The following TDRKH variants were observed in gnomAD, a reference collection of about 807,000 sequenced individuals.
TDRKH encodes tudor and KH domain-containing protein.
In TDRKH, 28 loss-of-function variants were observed where a neutral mutation model predicts 61.3. The ratio of observed to expected loss-of-function variants is 0.46; its 90% CI spans 0.34 to 0.63. TDRKH has a LOEUF of 0.63. Ranked by LOEUF, TDRKH falls within the 20% of genes least tolerant of loss-of-function variation. TDRKH has a pLI of 0.01. For missense variants in TDRKH, 540 were observed against 683.4 expected (o/e 0.79, Z 2.34); for synonymous variants, 219 against 244.4 (o/e 0.90, Z 0.97).
At chr1:151,774,944 CA>C (rs1649007972) in intron 11 of TDRKH, 120 bp downstream of exon 11, 2 of 1,350,018 alleles carry the variant, frequency 1.5e-6, no homozygotes, top group African/African-American at 2.9e-5. Context: ...CTCCTTTGGT[CA>C]ACTACTGGAG....
downstream of TDRKH, among the ~76,000 whole-genome samples, chr1:151,772,424 T>G (rs182503484): frequency 6.6e-6 from 1 of 152,250 alleles, no homozygotes; most frequent in East Asian, 1.9e-4. Flanking sequence ...AAATAAATTT[T>G]GAGAATTGTG....
chr1:151,780,049 A>T lies in TDRKH; in HGVS notation c.323T>A (p.Val108Glu). 1 of 1,614,188 alleles carries T rather than the reference A, an allele frequency of 6.2e-7. No homozygotes were observed. Among genetic ancestry groups the T allele is most frequent in the East Asian group, 2.2e-5 (1 of 44,880 alleles). The stretch of plus-strand genomic sequence containing the variant: ...ATGGATTGCTGCTTTGGCCTTGCAC[A>T]CCTGAACAGGAAAACCACTGATAAG... ...VLLISGFPVQ[V>E]CKAKAAIHQI... Residue 108 changes from valine to glutamate, a missense_variant, in exon 4 of 13, where the codon GTG (valine) becomes GAG (glutamate). Physicochemically the swap from Val to Glu is moderately radical, Grantham distance 121. Coordinates refer to ENST00000368824, the MANE Select transcript of TDRKH (RefSeq NM_001083965.2).
chr1:151,779,386 C>G, intron 4 of TDRKH, 144 bp from the exon 5 acceptor site: 2 of 1,134,944 alleles, frequency 1.8e-6, no homozygotes, highest in Non-Finnish European at 2.4e-6. Context: ...GAATGGAAAT[C>G]AGGAGCTACT....
At chr1:151,783,547 T>C (rs1312185025) in intron 1 of TDRKH, 1 of 152,306 alleles carries the variant, frequency 6.6e-6, no homozygotes. Flanking sequence ...TGAAATGGGG[T>C]TCTTCCCTGC....
At chr1:151,786,470 A>T (rs1553284654) in intron 1 of TDRKH, among the ~76,000 whole-genome samples, 1 of 152,174 alleles carries the variant, frequency 6.6e-6, no homozygotes, top group Non-Finnish European at 1.5e-5. Context: ...CACAATTTAA[A>T]ACTTAAGAAT....
intron 9 of TDRKH, 29 bp from the exon 10 acceptor site, chr1:151,775,572 GA>G: frequency 6.2e-7 from 1 of 1,605,708 alleles, no homozygotes; most frequent in South Asian, 1.1e-5. Flanking sequence ...GGTTACTGCT[GA>G]TAGGGGTGGG....
Position 151,776,485 on chromosome 1 carries a change from A to G in TDRKH, c.998T>C (p.Leu333Ser). 6.2e-7 allele frequency: 1 copy of G among 1,614,188 alleles called. No individual in the cohort carries two copies. The highest frequency in any genetic ancestry group is 8.5e-7 in the Non-Finnish European group (1 of 1,180,026). Residue 333 changes from leucine to serine, a missense_variant, in exon 7 of 13, where the codon TTG becomes TCG. By Grantham distance (145) the Leu-to-Ser change is moderately radical (BLOSUM62 -2). Around this residue, in one of 3 missense-constraint regions of TDRKH, gnomAD observed 379 missense variants for 443.8 expected, o/e 0.85. Coordinates refer to ENST00000368824, the MANE Select transcript of TDRKH (RefSeq NM_001083965.2). Reference protein sequence around the residue: ...IQIVGSRSLQLDKLVNEMTQH... With the variant: ...IQIVGSRSLQSDKLVNEMTQH... ...GGTCATCTCATTGACAAGCTTATCCAATTGCAGGCTGCGGGAGCCAACGAT... is the reference window on the plus strand; with the variant it reads ...GGTCATCTCATTGACAAGCTTATCCGATTGCAGGCTGCGGGAGCCAACGAT...
intron 12 of TDRKH, 24 bp from the exon 13 acceptor site, chr1:151,774,528 G>A: frequency 6.2e-7 from 1 of 1,613,902 alleles, no homozygotes; most frequent in South Asian, 1.1e-5. Flanking sequence ...ATAAGAAGGA[G>A]AAAGTTAGAC....
chr1:151,776,123 C>A lies in TDRKH; in HGVS notation c.1190G>T (p.Cys397Phe), dbSNP rs775343384. The A allele has an allele frequency of 1.2e-6, 2 of 1,613,772 alleles. No individual in the cohort carries two copies. Among genetic ancestry groups the A allele is most frequent in the African/African-American group, 2.7e-5 (2 of 74,914 alleles). ...YFVDFGDNGDCPLKDLRALRS... is the reference protein window; with the variant it reads ...YFVDFGDNGDFPLKDLRALRS... ...GAGAGCCCTGAGGTCCTTCAGTGGG[C>A]AATCTCCATTATCTCCAAAGTCAAC... Residue 397 changes from cysteine (C) to phenylalanine (F), a missense_variant, in exon 8 of 13, where the codon TGC becomes TTC. This residue lies in a region of TDRKH where 379 missense variants were observed against 443.8 expected (regional missense o/e 0.85). Transcript: ENST00000368824.
At chr1:151,782,844 C>A in intron 2 of TDRKH, 55 bp downstream of exon 2, 1 of 1,482,880 alleles carries the variant, frequency 6.7e-7, no homozygotes, top group Non-Finnish European at 9.0e-7. Flanking sequence ...TTCAATTTAA[C>A]AAGGCAGGAG....
chr1:151,772,509 T>C (rs1648776236), downstream of TDRKH, among the ~76,000 whole-genome samples: 1 of 152,132 alleles, frequency 6.6e-6, no homozygotes, highest in African/African-American at 2.4e-5. Context: ...AAAAGACCTG[T>C]GTAAGGCATC....
intron 9 of TDRKH, 93 bp downstream of exon 9, chr1:151,775,727 C>A (rs952320252): frequency 1.2e-5 from 19 of 1,529,914 alleles, no homozygotes; most frequent in African/African-American, 2.8e-5. Flanking sequence ...CCCCAGAATT[C>A]AAAAAGCCTG....
intron 1 of TDRKH, among the ~76,000 whole-genome samples, 170 bp downstream of exon 1, chr1:151,790,210 C>G (rs1199485655): frequency 6.6e-6 from 1 of 152,146 alleles, no homozygotes; most frequent in Non-Finnish European, 1.5e-5. Flanking sequence ...CCCAGTGGGT[C>G]AAGTTGCCCC....
chr1:151,788,339 G>A (rs916408428), intron 1 of TDRKH, among the ~76,000 whole-genome samples: 5 of 152,108 alleles, frequency 3.3e-5, no homozygotes, highest in African/African-American at 1.2e-4. Flanking sequence ...CTTGACCCTC[G>A]GGACACAACA....
At chr1:151,770,188 G>A (rs762413074), downstream of TDRKH, 2 of 1,613,892 alleles carry the variant, frequency 1.2e-6, no homozygotes, top group East Asian at 4.5e-5. Flanking sequence ...TGCAACCCTG[G>A]AGTACGTGGA....
rs1046370827 is a variant in TDRKH, at chr1:151,778,530, T to G, written c.883+155A>C. ...ACTGTTGGTGTGGATTCTACCTCCA[T>G]CCCATCTTCAAAATATCTTACCGAA... On this transcript the variant is annotated intron_variant, in intron 6 of 12. Transcript: ENST00000368824. 10 of 1,540,452 alleles carry G rather than the reference T, an allele frequency of 6.5e-6. No homozygotes were observed. The East Asian group carries it at 2.0e-4, about 31-fold the overall frequency.
At chr1:151,775,620 C>A in intron 9 of TDRKH, 77 bp from the exon 10 acceptor site, 2 of 1,543,874 alleles carry the variant, frequency 1.3e-6, no homozygotes, top group East Asian at 2.3e-5. Context: ...CTACCCTTTT[C>A]TACTCAGGAA....
chr1:151,773,414 G>A (rs1003839841), downstream of TDRKH: 2 of 152,594 alleles, frequency 1.3e-5, no homozygotes, highest in African/African-American at 4.8e-5. Flanking sequence ...CTTTCTGTGA[G>A]GCAGTTGGCA....
downstream of TDRKH, chr1:151,771,835 G>C (rs898695648): frequency 1.3e-5 from 5 of 398,036 alleles, no homozygotes; most frequent in Non-Finnish European, 2.2e-5. Context: ...CAAACTGCAG[G>C]TAAGAATGAG....
Sources: gnomAD v4.1 joint callset for allele counts (sites outside exome capture counted in the v4.1 genomes callset) on GRCh38, gnomAD v4.1.1 for gene constraint, gnomAD v4.1.1 regional missense constraint, MANE v1.5 for transcripts, NCBI Gene and HGNC (gene_info 2026-07-23, HGNC 2026-07-21) for gene names.